The following LRTM3 variants were observed in gnomAD, a reference collection of about 807,000 sequenced individuals.
The protein encoded by LRTM3 is leucine-rich repeat transmembrane protein 3.
chr13:102,744,111 G>A, the LRTM3 span: 1 of 1,550,592 alleles, frequency 6.4e-7, no homozygotes, highest in South Asian at 1.2e-5. Context: ...GTGTACCATT[G>A]CTTCCCTTTC....
chr13:102,730,204 C>A, the LRTM3 span: 1 of 1,551,096 alleles, frequency 6.4e-7, no homozygotes, highest in Non-Finnish European at 8.7e-7. Flanking sequence ...AAAATGATTT[C>A]AAATCAGTCG....
the LRTM3 span, chr13:102,748,108 G>C: frequency 6.4e-7 from 1 of 1,551,032 alleles, no homozygotes; most frequent in East Asian, 2.4e-5. Context: ...TGTCTGCCTT[G>C]GCTTTTGATA....
At chr13:102,742,072 T>C in the LRTM3 span, 1 of 1,550,504 alleles carries the variant, frequency 6.4e-7, no homozygotes. Context: ...TCCTGTCTTT[T>C]GGCTTGTCTT....
chr13:102,753,927 C>A, the LRTM3 span, among the ~76,000 whole-genome samples: 1 of 152,090 alleles, frequency 6.6e-6, no homozygotes, highest in Non-Finnish European at 1.5e-5. Context: ...AATGCTGAAG[C>A]AGGCTGGGCG....
the LRTM3 span, chr13:102,740,218 T>C: frequency 4.5e-6 from 7 of 1,548,894 alleles, no homozygotes; most frequent in African/African-American, 8.2e-5. Context: ...ATTTCATTCC[T>C]TTTGGAAATA....
At chr13:102,749,875 T>A in the LRTM3 span, 2 of 1,551,478 alleles carry the variant, frequency 1.3e-6, no homozygotes. Flanking sequence ...CTTGAGATCT[T>A]GAGCATTGAT....
At chr13:102,744,631 A>C in the LRTM3 span, 2 of 1,550,858 alleles carry the variant, frequency 1.3e-6, no homozygotes, top group South Asian at 2.4e-5. Flanking sequence ...TCTTCGGTTC[A>C]GATCCTGATT....
chr13:102,741,430 A>G, the LRTM3 span: 1 of 1,550,140 alleles, frequency 6.5e-7, no homozygotes, highest in Non-Finnish European at 8.7e-7. Flanking sequence ...CTGAATTTGT[A>G]CAAAGAAATT....
chr13:102,759,058 T>C, the LRTM3 span: 1 of 615,436 alleles, frequency 1.6e-6, no homozygotes, highest in African/African-American at 1.8e-5. Flanking sequence ...GTGCTGCTGG[T>C]ATCTTATCAA....
chr13:102,733,583 G>A, the LRTM3 span: 1 of 1,551,178 alleles, frequency 6.4e-7, no homozygotes. Flanking sequence ...CATTTTAGTT[G>A]CATCCATTGT....
At chr13:102,736,581 A>G in the LRTM3 span, 1 of 1,551,026 alleles carries the variant, frequency 6.4e-7, no homozygotes, top group Non-Finnish European at 8.7e-7. Flanking sequence ...ATTGAGTCTA[A>G]CTCAAGGAAA....
the LRTM3 span, chr13:102,748,258 G>T: frequency 1.9e-6 from 3 of 1,550,992 alleles, no homozygotes; most frequent in Non-Finnish European, 2.6e-6. Flanking sequence ...TTTCACGTAG[G>T]TCACTGTCTT....
chr13:102,743,139 G>C, the LRTM3 span: 5 of 1,550,402 alleles, frequency 3.2e-6, no homozygotes, highest in East Asian at 1.2e-4. Context: ...ATTTCTGTAA[G>C]ATGTTCTTGC....
At chr13:102,746,891 GTT>G in the LRTM3 span, 2 of 1,551,218 alleles carry the variant, frequency 1.3e-6, no homozygotes, top group Non-Finnish European at 1.7e-6. Flanking sequence ...GTCTGTTTGT[GTT>G]TTTTGAGTAC....
chr13:102,736,242 G>T, the LRTM3 span: 1 of 1,550,068 alleles, frequency 6.5e-7, no homozygotes, highest in Non-Finnish European at 8.7e-7. Flanking sequence ...ACATGAGGAC[G>T]TCCTGTCCTG....
the LRTM3 span, among the ~76,000 whole-genome samples, chr13:102,757,463 G>T: frequency 6.6e-6 from 1 of 152,120 alleles, no homozygotes; most frequent in Non-Finnish European, 1.5e-5. Context: ...GTCTTAACAT[G>T]GTATAGAAAG....
the LRTM3 span, chr13:102,745,233 C>G: frequency 0.79 from 1,226,756 of 1,550,422 alleles, 489,232 homozygotes; most frequent in South Asian, 0.86. Context: ...TTTAACAATG[C>G]CTCCTGTTTC....
chr13:102,731,505 T>C, the LRTM3 span: 1 of 1,551,470 alleles, frequency 6.4e-7, no homozygotes, highest in South Asian at 1.2e-5. Context: ...TGCTGCGTTT[T>C]GGGATATATT....
At chr13:102,737,468 T>A in the LRTM3 span, 1 of 1,550,806 alleles carries the variant, frequency 6.4e-7, no homozygotes, top group Non-Finnish European at 8.7e-7. Flanking sequence ...GCCTACTCCA[T>A]CTGCTTGCTG....
Sources: allele counts gnomAD v4.1 joint callset (sites outside exome capture counted in the v4.1 genomes callset), GRCh38; gene constraint gnomAD v4.1.1; transcripts MANE v1.5; gene names NCBI Gene and HGNC (gene_info 2026-07-23, HGNC 2026-07-21).